GLG1: variants seen among roughly 807,000 people sequenced by gnomAD.
GLG1 encodes the protein Golgi apparatus protein 1.
GLG1 carries 38 observed loss-of-function variants against 160.5 expected under a neutral mutation model. The observed-to-expected ratio is 0.24, with a 90% CI of 0.18 to 0.31. The LOEUF (loss-of-function observed/expected upper bound fraction) is 0.31, where lower values mean the gene tolerates loss of function less well. Ranked by LOEUF, GLG1 falls within the 10% of genes least tolerant of loss-of-function variation. The pLI is 1.00. For synonymous variants in GLG1, 644 were observed against 543.4 expected, an observed-to-expected ratio of 1.19 and a Z score of -2.57; for missense variants, 1,373 against 1,505.2, an observed-to-expected ratio of 0.91 and a Z score of 1.45.
intron 3 of GLG1, among the ~76,000 whole-genome samples, chr16:74,508,148 G>A (rs955257163): frequency 1.3e-5 from 2 of 152,072 alleles, no homozygotes; most frequent in African/African-American, 4.8e-5. Flanking sequence ...TCTGAAGAAT[G>A]TGGCCCTGAC....
At chr16:74,495,263 G>A (rs549824900) in intron 5 of GLG1, among the ~76,000 whole-genome samples, 2 of 152,106 alleles carry the variant, frequency 1.3e-5, no homozygotes, top group East Asian at 1.9e-4. Context: ...ACAGGCCCCC[G>A]CCACCCTGCC....
chr16:74,475,362 T>C (rs1239730359), intron 12 of GLG1, among the ~76,000 whole-genome samples: 1 of 152,140 alleles, frequency 6.6e-6, no homozygotes, highest in African/African-American at 2.4e-5. Flanking sequence ...AAATTCACAG[T>C]GAAGAGCACA....
chr16:74,456,658 G>T lies in GLG1; in HGVS notation c.3363C>A (p.Tyr1121Ter). 1 of 1,596,790 alleles carries T rather than the reference G, an allele frequency of 6.3e-7. No homozygotes were observed. The highest frequency in any genetic ancestry group is 8.6e-7 in the Non-Finnish European group (1 of 1,169,280). ...TTCTCTTGGTCATTACCTTTGCTGCGTAACTCCACATCTCAATCCGGTCAT... is the reference window on the plus strand; with the variant it reads ...TTCTCTTGGTCATTACCTTTGCTGCTTAACTCCACATCTCAATCCGGTCAT... Reference protein sequence around the residue: ...RLNDRIEMWSYAAKVAPADGF... With the variant: ...RLNDRIEMWS The change falls in exon 25 of 26, where the codon TAC (tyrosine) becomes TAA (stop). Residue 1121 changes from tyrosine to a stop codon, truncating the protein, a stop_gained. Coordinates refer to ENST00000422840, the MANE Select transcript of GLG1 (RefSeq NM_001145667.2). LOFTEE classifies it high-confidence loss of function.
intron 3 of GLG1, among the ~76,000 whole-genome samples, chr16:74,507,826 G>C (rs767045854): frequency 1.8e-4 from 27 of 152,280 alleles, no homozygotes; most frequent in Non-Finnish European, 3.5e-4. Flanking sequence ...TAATTTGTTA[G>C]TATTTAGTTC....
chr16:74,553,767 C>T (rs990607099), intron 1 of GLG1, among the ~76,000 whole-genome samples: 2 of 152,164 alleles, frequency 1.3e-5, no homozygotes, highest in African/African-American at 4.8e-5. Flanking sequence ...GCCACCGTGC[C>T]AGGCCATGGA....
intron 1 of GLG1, among the ~76,000 whole-genome samples, chr16:74,570,849 C>A (rs1446696362): frequency 1.3e-5 from 2 of 152,180 alleles, no homozygotes; most frequent in African/African-American, 4.8e-5. Flanking sequence ...AATCATGCCA[C>A]TGCATTCCAG....
At chr16:74,501,059 G>A (rs928857472) in intron 4 of GLG1, among the ~76,000 whole-genome samples, 2 of 152,210 alleles carry the variant, frequency 1.3e-5, no homozygotes, top group African/African-American at 4.8e-5. Context: ...TTCAGTGGCA[G>A]CAAATTTGAA....
intron 3 of GLG1, among the ~76,000 whole-genome samples, chr16:74,506,672 T>A (rs1228047774): frequency 6.6e-6 from 1 of 150,992 alleles, no homozygotes; most frequent in Non-Finnish European, 1.5e-5. Flanking sequence ...AATTTTAGCT[T>A]CAATCACTTG....
At chr16:74,566,813 A>C (rs1010882145) in intron 1 of GLG1, among the ~76,000 whole-genome samples, 4 of 152,190 alleles carry the variant, frequency 2.6e-5, no homozygotes, top group Non-Finnish European at 4.4e-5. Flanking sequence ...AAGATACAAC[A>C]AATTTTTTTC....
intron 1 of GLG1, among the ~76,000 whole-genome samples, chr16:74,544,646 G>A (rs1192156592): frequency 6.6e-6 from 1 of 152,078 alleles, no homozygotes; most frequent in Non-Finnish European, 1.5e-5. Flanking sequence ...GATTACAGGC[G>A]CGTGCCACCA....
At chr16:74,477,010 A>G (rs2015408352) in intron 12 of GLG1, among the ~76,000 whole-genome samples, 1 of 152,220 alleles carries the variant, frequency 6.6e-6, no homozygotes, top group African/African-American at 2.4e-5. Context: ...AAGAAGAGAA[A>G]CAAAAAGGAA....
intron 1 of GLG1, among the ~76,000 whole-genome samples, chr16:74,586,481 A>T (rs1958056024): frequency 6.6e-6 from 1 of 151,932 alleles, no homozygotes; most frequent in Non-Finnish European, 1.5e-5. Context: ...ATGGAAAGAT[A>T]ATTTTTTTTT....
At chr16:74,542,230 C>G (rs1408135870) in intron 1 of GLG1, among the ~76,000 whole-genome samples, 2 of 139,684 alleles carry the variant, frequency 1.4e-5, no homozygotes, top group Non-Finnish European at 3.1e-5. Context: ...ATCTGAAGGG[C>G]ACCGTATGAA....
At position 74,448,012 on chromosome 16, in the gene GLG1, G is replaced by A. The variant is rs1270461738; in HGVS notation, c.*5155C>T. 1 of 152,424 alleles carries A rather than the reference G, an allele frequency of 6.6e-6. No individual in the cohort carries two copies. Among genetic ancestry groups the A allele is most frequent in the East Asian group, 1.9e-4 (1 of 5,208 alleles). 9.4% of individuals were successfully genotyped at this position (152,424 alleles called of 1,614,324 possible). ...TGTCCTGGTGGAGCAGAGGGAGCGG[G>A]AGAGGACCACGGGTCAGGATCCTGT... On this transcript the variant is annotated 3_prime_UTR_variant, in exon 26 of 26. Coordinates refer to ENST00000422840, the MANE Select transcript of GLG1 (RefSeq NM_001145667.2).
intron 1 of GLG1, among the ~76,000 whole-genome samples, chr16:74,595,450 T>A (rs1013212218): frequency 6.9e-6 from 1 of 144,120 alleles, no homozygotes; most frequent in Non-Finnish European, 1.5e-5. Flanking sequence ...GGCAGGAGAA[T>A]GGCATGAACC....
intron 3 of GLG1, among the ~76,000 whole-genome samples, chr16:74,504,678 G>T (rs1163925087): frequency 6.6e-6 from 1 of 152,128 alleles, no homozygotes; most frequent in Non-Finnish European, 1.5e-5. Flanking sequence ...TAACCGCTGT[G>T]GTCTGGGACA....
chr16:74,604,786 C>T (rs924720188), intron 1 of GLG1, among the ~76,000 whole-genome samples: 3 of 152,200 alleles, frequency 2.0e-5, no homozygotes, highest in Admixed American at 1.3e-4. Context: ...GGTGGTGGCT[C>T]ACACCACTAA....
At chr16:74,522,944 A>C (rs552089358) in intron 2 of GLG1, among the ~76,000 whole-genome samples, 1 of 152,222 alleles carries the variant, frequency 6.6e-6, no homozygotes, top group Non-Finnish European at 1.5e-5. Flanking sequence ...CTGGCCTCCC[A>C]AAGTGCTGGG....
intron 25 of GLG1, among the ~76,000 whole-genome samples, chr16:74,455,994 T>A (rs1437218370): frequency 6.6e-6 from 1 of 152,210 alleles, no homozygotes; most frequent in Non-Finnish European, 1.5e-5. Context: ...CAAGTCTACC[T>A]GGGTATCATA....
Sources: allele counts gnomAD v4.1 joint callset (sites outside exome capture counted in the v4.1 genomes callset), GRCh38; gene constraint gnomAD v4.1.1; transcripts MANE v1.5; gene names NCBI Gene and HGNC (gene_info 2026-07-23, HGNC 2026-07-21).